Variants in ZBBX observed in about 807,000 individuals in gnomAD.
The protein encoded by ZBBX is zinc finger B-box domain containing.
In ZBBX, 101 loss-of-function variants were observed where a neutral mutation model predicts 108.5. The ratio of observed to expected loss-of-function variants is 0.93; its 90% CI spans 0.79 to 1.10. ZBBX has a LOEUF of 1.10. Ranked by LOEUF, ZBBX falls within the 50% of genes least tolerant of loss-of-function variation. ZBBX has a pLI of 0.00. For synonymous variants in ZBBX, 356 were observed against 323.4 expected (o/e 1.10, Z -1.08); for missense variants, 1,009 against 941.4 (o/e 1.07, Z -0.94).
intron 7 of ZBBX, 95 bp from the exon 8 acceptor site, chr3:167,360,074 T>C (rs1246569815): frequency 4.3e-6 from 2 of 464,166 alleles, no homozygotes; most frequent in Non-Finnish European, 7.0e-6. Flanking sequence ...TTCCCATCTC[T>C]GTATCAAACT....
At chr3:167,242,920 CA>C (rs5854233) in intron 20 of ZBBX, among the ~76,000 whole-genome samples, 19 of 149,774 alleles carry the variant, frequency 1.3e-4, no homozygotes, top group Admixed American at 4.6e-4. Context: ...CATAAAATTT[CA>C]AAAAAAAAAT....
Position 167,305,656 on chromosome 3 carries a change from G to C in ZBBX, c.1712C>G (p.Thr571Arg). Residue 571 changes from threonine (T) to arginine (R), a missense_variant, in exon 17 of 22, where the codon ACA (threonine) becomes AGA (arginine). Physicochemically the swap from Thr to Arg is moderately conservative, Grantham distance 71. Transcript: ENST00000675490. Reference protein sequence around the residue: ...KRPSFEESKTTKSSLLLQEIA... With the variant: ...KRPSFEESKTRKSSLLLQEIA... ...ATAGAGATTTACCAGTGATGACTTT[G>C]TAGTTTTTGATTCTTCAAAGCTTGG... The C allele has an allele frequency of 6.4e-7, 1 of 1,558,932 alleles. No homozygotes were observed. The highest frequency in any genetic ancestry group is 8.6e-7 in the Non-Finnish European group (1 of 1,158,582).
At chr3:167,295,729 A>T (rs1487450485) in intron 18 of ZBBX, among the ~76,000 whole-genome samples, 1 of 13,448 alleles carries the variant, frequency 7.4e-5, no homozygotes, top group East Asian at 3.5e-3. Flanking sequence ...ATATATATAT[A>T]TATATATATA....
Position 167,349,950 on chromosome 3 carries a change from G to A in ZBBX, c.528+470C>T, listed in dbSNP as rs536183262. On this transcript the variant is annotated intron_variant, in intron 9 of 21. Transcript: ENST00000675490. ...ATGATTATATAAGGATAAACAAAAG[G>A]TCCTTATATGTACAGAAGGAAAAAT... Among the ~76,000 whole-genome samples the A allele has an allele frequency of 3.8e-4, 58 of 151,962 alleles. No individual in the cohort carries two copies. The Middle Eastern group carries it at 0.01, about 27-fold the overall frequency.
intron 20 of ZBBX, among the ~76,000 whole-genome samples, chr3:167,273,294 G>T (rs1726870072): frequency 1.3e-5 from 2 of 152,168 alleles, no homozygotes; most frequent in Admixed American, 1.3e-4. Context: ...AAAAGCAATT[G>T]TTATGCTCGT....
At chr3:167,207,869 C>G in the ZBBX span, among the ~76,000 whole-genome samples, 1 of 152,128 alleles carries the variant, frequency 6.6e-6, no homozygotes, top group Admixed American at 6.6e-5. Context: ...GTTGAGCAAT[C>G]ACAGGAGCTG....
chr3:167,289,127 C>T, intron 18 of ZBBX, 144 bp from the exon 19 acceptor site: 1 of 344,554 alleles, frequency 2.9e-6, no homozygotes, highest in Non-Finnish European at 5.0e-6. Flanking sequence ...AATACAAAAT[C>T]TTATTACAAA....
At chr3:167,223,061 C>T in the ZBBX span, among the ~76,000 whole-genome samples, 112 of 151,974 alleles carry the variant, frequency 7.4e-4, no homozygotes, top group African/African-American at 2.6e-3. Flanking sequence ...TAAATATGTA[C>T]AAATATTCAT....
chr3:167,321,692 T>C (rs1380377067), intron 12 of ZBBX, among the ~76,000 whole-genome samples: 1 of 152,066 alleles, frequency 6.6e-6, no homozygotes, highest in Non-Finnish European at 1.5e-5. Flanking sequence ...TCTCTTTGAA[T>C]AAAGTATATT....
chr3:167,275,663 G>C (rs1413170887), intron 20 of ZBBX, among the ~76,000 whole-genome samples: 1 of 152,252 alleles, frequency 6.6e-6, no homozygotes, highest in Non-Finnish European at 1.5e-5. Context: ...TAGCACAGCA[G>C]TCTGAGATCA....
chr3:167,351,328 A>G (rs992193100), intron 8 of ZBBX, among the ~76,000 whole-genome samples: 2 of 152,174 alleles, frequency 1.3e-5, no homozygotes, highest in African/African-American at 2.4e-5. Flanking sequence ...CAGGTTCAAG[A>G]TGGATGATTA....
At chr3:167,182,118 G>A in the ZBBX span, among the ~76,000 whole-genome samples, 2 of 152,076 alleles carry the variant, frequency 1.3e-5, no homozygotes, top group Admixed American at 6.5e-5. Context: ...AGCCTGACTC[G>A]CTGATTTTTT....
chr3:167,274,506 G>A (rs1727119664), intron 20 of ZBBX, among the ~76,000 whole-genome samples: 1 of 152,184 alleles, frequency 6.6e-6, no homozygotes, highest in Non-Finnish European at 1.5e-5. Context: ...AAATTTAAAA[G>A]GGAGGAATTG....
chr3:167,366,662 C>T (rs1314679147), intron 5 of ZBBX, among the ~76,000 whole-genome samples: 1 of 151,848 alleles, frequency 6.6e-6, no homozygotes, highest in Non-Finnish European at 1.5e-5. Flanking sequence ...CTCATTCTGG[C>T]TATGACATTT....
intron 5 of ZBBX, among the ~76,000 whole-genome samples, chr3:167,367,077 T>C (rs1327597298): frequency 1.3e-5 from 2 of 151,942 alleles, no homozygotes; most frequent in Non-Finnish European, 2.9e-5. Flanking sequence ...CATTAAACGT[T>C]AAGAAGGTAC....
intron 20 of ZBBX, among the ~76,000 whole-genome samples, chr3:167,255,528 T>C (rs1236892993): frequency 6.6e-6 from 1 of 152,126 alleles, no homozygotes; most frequent in East Asian, 1.9e-4. Flanking sequence ...GATTAGCATG[T>C]GGTTTTAAAA....
At chr3:167,273,676 G>T (rs187499990) in intron 20 of ZBBX, among the ~76,000 whole-genome samples, 3 of 152,216 alleles carry the variant, frequency 2.0e-5, no homozygotes, top group South Asian at 2.1e-4. Flanking sequence ...TGGACACTCT[G>T]CCAGGTAACT....
intron 18 of ZBBX, among the ~76,000 whole-genome samples, chr3:167,295,371 T>C (rs1056332862): frequency 6.6e-6 from 1 of 151,964 alleles, no homozygotes; most frequent in Non-Finnish European, 1.5e-5. Context: ...TAAAAAAGGA[T>C]GAGTTCATGT....
the ZBBX span, among the ~76,000 whole-genome samples, chr3:167,198,485 T>C: frequency 6.6e-6 from 1 of 152,136 alleles, no homozygotes; most frequent in Non-Finnish European, 1.5e-5. Flanking sequence ...GATGGTACAT[T>C]TCTTTTAAAA....
Sources: gnomAD v4.1 joint callset for allele counts (sites outside exome capture counted in the v4.1 genomes callset) on GRCh38, gnomAD v4.1.1 for gene constraint, MANE v1.5 for transcripts, NCBI Gene and HGNC (gene_info 2026-07-23, HGNC 2026-07-21) for gene names.